C5orf22: variants seen among roughly 807,000 people sequenced by gnomAD.
C5orf22 encodes the protein chromosome 5 open reading frame 22, also known as UPF0489 protein C5orf22.
A neutral mutation model predicts 48.7 loss-of-function variants in C5orf22; 36 were observed. That is an observed-to-expected ratio of 0.74 (90% confidence interval 0.57 to 0.98). The LOEUF (loss-of-function observed/expected upper bound fraction) is 0.98. Ranked by LOEUF, C5orf22 falls within the 50% of genes least tolerant of loss-of-function variation. The probability of loss-of-function intolerance (pLI) is 0.00; values close to 1 mark genes in which losing one functional copy is unlikely to be tolerated. For missense variants in C5orf22, 486 were observed against 521.9 expected (o/e 0.93, Z 0.67); for synonymous variants, 141 against 180.8 (o/e 0.78, Z 1.76).
intron 6 of C5orf22, among the ~76,000 whole-genome samples, chr5:31,544,396 A>G (rs965205264): frequency 6.6e-6 from 1 of 152,174 alleles, no homozygotes. Flanking sequence ...ATCCTGGCTA[A>G]CACGGTGAAA....
chr5:31,534,945 A>G (rs1419934900), intron 2 of C5orf22: 1 of 436,652 alleles, frequency 2.3e-6, no homozygotes, highest in Non-Finnish European at 4.5e-6. Flanking sequence ...TCCTTTTAAT[A>G]TTTGCCTTTA....
In C5orf22 at chr5:31,545,700, A is replaced by G. The variant is rs1393234783; in HGVS notation, c.1047A>G (p.Pro349=). The G allele has an allele frequency of 6.3e-7, 1 of 1,599,364 alleles. No individual in the cohort carries two copies. The highest frequency in any genetic ancestry group is 8.6e-7 in the Non-Finnish European group (1 of 1,167,790). The change falls in exon 7 of 9, where the codon CCA becomes CCG. Residue 349 remains proline (P), a synonymous_variant. Coordinates refer to ENST00000325366, the MANE Select transcript of C5orf22 (RefSeq NM_018356.3). ...VQSLKKRMEV[P]DYEMVHQAGL... ...GTTTGAAAAAACGGATGGAAGTACC[A>G]GACTATGAAATGGTAAATATTTTAT...
At chr5:31,552,225 T>C (rs1164823325) in intron 8 of C5orf22, among the ~76,000 whole-genome samples, 1 of 152,184 alleles carries the variant, frequency 6.6e-6, no homozygotes, top group East Asian at 1.9e-4. Flanking sequence ...CTTTTCTGCT[T>C]CCTACTGCCT....
At chr5:31,548,436 C>CA in intron 7 of C5orf22, 1 of 330,168 alleles carries the variant, frequency 3.0e-6, no homozygotes, top group Non-Finnish European at 6.0e-6. Flanking sequence ...AGGGCAGGGG[C>CA]AAAATGCCAC....
Position 31,552,906 on chromosome 5 carries a change from A to C in C5orf22, c.*4A>C. On this transcript the variant is annotated 3_prime_UTR_variant, in exon 9 of 9. Transcript: ENST00000325366. ...AGCAGAGTCTCCTCCATCTTGAAAC[A>C]AACAAAACATTAGGCTCCTGTTGTA... The C allele has an allele frequency of 6.2e-7, 1 of 1,613,116 alleles. No homozygotes were observed. The highest frequency in any genetic ancestry group is 1.1e-5 in the South Asian group (1 of 91,000).
chr5:31,551,954 A>G (rs538771319), intron 8 of C5orf22, among the ~76,000 whole-genome samples: 21 of 152,288 alleles, frequency 1.4e-4, no homozygotes, highest in African/African-American at 4.6e-4. Flanking sequence ...GGTCTTACAG[A>G]TTATCTCTTT....
rs114833587 is a variant in C5orf22 at position 31,545,552 on chromosome 5, A to G, written c.993-94A>G. 1.6e-3 allele frequency: 1,292 copies of G among 830,656 alleles called. 17 individuals carry two copies. In the African/African-American group the frequency reaches 0.019, roughly 12 times the overall value. 51.5% of individuals were successfully genotyped at this position (830,656 alleles called of 1,614,324 possible). On this transcript the variant is annotated intron_variant, in intron 6 of 8. Coordinates refer to ENST00000325366, the MANE Select transcript of C5orf22 (RefSeq NM_018356.3). ...TCCCAAGTGCCATATGAAGCATGTT[A>G]TTATGGTAAATGTTAGTATAATGTA...
At chr5:31,532,909 A>G (rs1395163395) in intron 1 of C5orf22, among the ~76,000 whole-genome samples, 2 of 152,146 alleles carry the variant, frequency 1.3e-5, no homozygotes, top group Non-Finnish European at 2.9e-5. Context: ...CGTAGGACTC[A>G]CAGGGCTCTT....
chr5:31,539,422 A>G (rs1238535758), intron 4 of C5orf22, among the ~76,000 whole-genome samples: 1 of 152,166 alleles, frequency 6.6e-6, no homozygotes, highest in Non-Finnish European at 1.5e-5. Flanking sequence ...TACTGTGATC[A>G]GTTTCTTGTG....
intron 7 of C5orf22, among the ~76,000 whole-genome samples, chr5:31,550,489 G>A (rs1743183574): frequency 6.6e-6 from 1 of 152,190 alleles, no homozygotes; most frequent in African/African-American, 2.4e-5. Context: ...AGCTTTGAAT[G>A]TAGTACTAGG....
chr5:31,548,864 C>T (rs1385720691), intron 7 of C5orf22, among the ~76,000 whole-genome samples: 1 of 152,158 alleles, frequency 6.6e-6, no homozygotes, highest in East Asian at 1.9e-4. Context: ...GTGAAAGGCA[C>T]ATCTCACATG....
intron 6 of C5orf22, among the ~76,000 whole-genome samples, chr5:31,541,812 T>C (rs1177880650): frequency 3.9e-5 from 6 of 152,184 alleles, no homozygotes; most frequent in Non-Finnish European, 7.3e-5. Flanking sequence ...TTCAACACAT[T>C]TACTAACAAT....
chr5:31,552,964 A>C lies in C5orf22; in HGVS notation c.*62A>C. On this transcript the variant is annotated 3_prime_UTR_variant, in exon 9 of 9. Transcript: ENST00000325366. ...TTAGTAACAGGCCCTTAATTAACTT[A>C]TTTGTACATGAGTCTTCCAGAGAAC... 1 of 1,475,460 alleles carries C rather than the reference A, an allele frequency of 6.8e-7. No individual in the cohort carries two copies. The highest frequency in any genetic ancestry group is 2.3e-5 in the East Asian group (1 of 43,750). 91.4% of individuals were successfully genotyped at this position (1,475,460 alleles called of 1,614,324 possible).
Position 31,532,556 on chromosome 5 carries a change from G to C in C5orf22, c.81+83G>C. 8.3e-6 allele frequency: 10 copies of C among 1,209,556 alleles called. No homozygotes were observed. The South Asian group carries it at 1.2e-4, about 15-fold the overall frequency. 74.9% of individuals were successfully genotyped at this position (1,209,556 alleles called of 1,614,324 possible). On this transcript the variant is annotated intron_variant, in intron 1 of 8. Coordinates refer to ENST00000325366, the MANE Select transcript of C5orf22 (RefSeq NM_018356.3). Reference sequence around the variant, plus strand: ...GGGCCAAGCAGAGGGCGCAACCTTAGCATCGGAGGCCAGAGAGTTAACCAG... The same window carrying C: ...GGGCCAAGCAGAGGGCGCAACCTTACCATCGGAGGCCAGAGAGTTAACCAG...
chr5:31,539,922 C>T (rs10075160), intron 4 of C5orf22, among the ~76,000 whole-genome samples: 3,052 of 151,868 alleles, frequency 0.02, 98 homozygotes, highest in African/African-American at 0.07. Context: ...CATAGTGGCA[C>T]GTGCCTGTGG....
chr5:31,540,720 T>C (rs1336250547), intron 4 of C5orf22: 1 of 441,868 alleles, frequency 2.3e-6, no homozygotes, highest in Non-Finnish European at 4.1e-6. Context: ...TAGAGTTGCC[T>C]TGAAGAAGTG....
intron 3 of C5orf22, 152 bp from the exon 4 acceptor site, chr5:31,538,108 T>A (rs1430743348): frequency 4.8e-6 from 3 of 630,804 alleles, no homozygotes; most frequent in Non-Finnish European, 8.5e-6. Flanking sequence ...ATTTGAGGAA[T>A]GCTATTTCTA....
chr5:31,549,925 C>T (rs1743140857), intron 7 of C5orf22, among the ~76,000 whole-genome samples: 2 of 152,142 alleles, frequency 1.3e-5, no homozygotes, highest in South Asian at 4.1e-4. Flanking sequence ...TCAAATATGT[C>T]TGCAGGCAGG....
intron 7 of C5orf22, chr5:31,548,400 T>A (rs1743029137): frequency 4.0e-6 from 1 of 247,506 alleles, no homozygotes; most frequent in Non-Finnish European, 8.2e-6. Flanking sequence ...AAATCATCTC[T>A]CAACTTCAAA....
Sources: allele counts gnomAD v4.1 joint callset (sites outside exome capture counted in the v4.1 genomes callset), GRCh38; gene constraint gnomAD v4.1.1; transcripts MANE v1.5; gene names NCBI Gene and HGNC (gene_info 2026-07-23, HGNC 2026-07-21).